The following TTLL11 variants were observed in gnomAD, a reference collection of about 807,000 sequenced individuals.
TTLL11 encodes the protein tubulin polyglutamylase TTLL11.
TTLL11 carries 42 observed loss-of-function variants against 51.7 expected under a neutral mutation model. The observed-to-expected ratio is 0.81, with a 90% CI of 0.64 to 1.05. TTLL11 has a LOEUF of 1.05. Among genes scored for constraint, TTLL11 ranks in the 50% least tolerant of loss-of-function variants. TTLL11 has a pLI of 0.00. For missense variants in TTLL11, 799 were observed against 940.4 expected (o/e 0.85, Z 1.97); for synonymous variants, 381 against 383.5 (o/e 0.99, Z 0.08).
At chr9:121,913,985 G>A (rs13290537) in intron 6 of TTLL11, among the ~76,000 whole-genome samples, 33,349 of 152,084 alleles carry the variant, frequency 0.22, 4,437 homozygotes, top group African/African-American at 0.36. Flanking sequence ...AACTCTTACA[G>A]TAATTCTGAA....
chr9:121,968,847 T>C (rs1476593454), intron 6 of TTLL11, among the ~76,000 whole-genome samples: 1 of 151,808 alleles, frequency 6.6e-6, no homozygotes, highest in African/African-American at 2.4e-5. Flanking sequence ...TACCATACAT[T>C]AAAAGTTTTT....
chr9:121,895,388 TTGTGTGTTTGTGTGAC>T (rs1259713642), intron 6 of TTLL11, among the ~76,000 whole-genome samples: 44 of 151,524 alleles, frequency 2.9e-4, no homozygotes, highest in Non-Finnish European at 6.0e-4. Context: ...GGTTGTATGA[TTGTGTGTTTGTGTGAC>T]TGTGTGTGCA....
At position 122,092,948 on chromosome 9, in the gene TTLL11, CG is replaced by C; in HGVS notation, c.200del (p.Pro67ArgfsTer77). 1.3e-6 allele frequency: 2 copies of C among 1,577,982 alleles called. No individual in the cohort carries two copies. The highest frequency in any genetic ancestry group is 1.7e-5 in the Admixed American group (1 of 57,350). On this transcript the variant is annotated frameshift_variant, in exon 1 of 9. Coordinates refer to ENST00000321582, the MANE Select transcript of TTLL11 (RefSeq NM_001139442.2). LOFTEE classifies it high-confidence loss of function. ...CCTCCTCAGCCGCACTGGGCTGCGC[CG>C]GGGCCGGGGCCAGGACCTTGGGCTG... Reference protein sequence around the residue: ...EEQPKVLAPAPAQPSAAEEGN... With the variant: ...EEQPKVLAPAXAQPSAAEEGN...
At chr9:121,950,844 C>T (rs999173784) in intron 6 of TTLL11, among the ~76,000 whole-genome samples, 1 of 152,196 alleles carries the variant, frequency 6.6e-6, no homozygotes, top group African/African-American at 2.4e-5. Flanking sequence ...AATCATGACT[C>T]TGTCCATGAC....
At chr9:121,971,025 G>C (rs146240806) in intron 6 of TTLL11, among the ~76,000 whole-genome samples, 14,406 of 142,910 alleles carry the variant, frequency 0.1, 1,584 homozygotes, top group African/African-American at 0.26. Context: ...AGGTGGGGGG[G>C]TCAGCCCCCC....
chr9:122,092,744 C>T lies in TTLL11; in HGVS notation c.405G>A (p.Lys135=), dbSNP rs942810472. ...TCAGGGCATCCAGGGAGGTCCTGGC[C>T]TTGGAGCTGTCCACGGTGACCGGCC... ...SQRPVTVDSS[K]ARTSLDALKI... is the part of the protein sequence containing the mutation. Residue 135 remains lysine (K), a synonymous_variant, in exon 1 of 9, where the codon AAG becomes AAA. Coordinates refer to ENST00000321582, the MANE Select transcript of TTLL11 (RefSeq NM_001139442.2). 5.2e-6 allele frequency: 8 copies of T among 1,538,302 alleles called. No individual in the cohort carries two copies. Among genetic ancestry groups the T allele is most frequent in the Middle Eastern group, 2.1e-4 (1 of 4,806 alleles).
At chr9:122,045,613 G>A (rs1419577091) in intron 1 of TTLL11, among the ~76,000 whole-genome samples, 1 of 152,076 alleles carries the variant, frequency 6.6e-6, no homozygotes, top group East Asian at 1.9e-4. Context: ...ACATTCATAG[G>A]AGCATATTCA....
intron 6 of TTLL11, among the ~76,000 whole-genome samples, chr9:121,967,360 G>A (rs1364297093): frequency 3.3e-5 from 5 of 151,742 alleles, no homozygotes; most frequent in Non-Finnish European, 5.9e-5. Context: ...GAGTAGCTGG[G>A]ATTACAGGTG....
At position 121,967,994 on chromosome 9, in the gene TTLL11, G is replaced by A. The variant is rs1035661224; in HGVS notation, c.1481+6015C>T. Among the ~76,000 whole-genome samples, 9 of 152,316 alleles carry A rather than the reference G, an allele frequency of 5.9e-5. No individual in the cohort carries two copies. The South Asian group carries it at 1.5e-3, about 25-fold the overall frequency. The stretch of plus-strand genomic sequence containing the variant: ...GTTGGTTGCCGGGAAGTGGGGGGAG[G>A]GGGAATGGAGAGTGATTGCTTGATG... On this transcript the variant is annotated intron_variant, in intron 6 of 8. Coordinates refer to ENST00000321582, the MANE Select transcript of TTLL11 (RefSeq NM_001139442.2).
rs531350488 is a variant in TTLL11, at chr9:121,932,546, C to T, written c.1481+41463G>A. On this transcript the variant is annotated intron_variant, in intron 6 of 8. Transcript: ENST00000321582. The stretch of plus-strand genomic sequence containing the variant: ...AAAGAGACTCATCCACAATCATTAG[C>T]AGCCAGTGGAAGCGCCATTCCCCAC... Among the ~76,000 whole-genome samples the T allele has an allele frequency of 1.2e-4, 19 of 152,310 alleles. No homozygotes were observed. The South Asian group carries it at 3.5e-3, about 28-fold the overall frequency.
chr9:121,962,372 G>A (rs1460581257), intron 6 of TTLL11, among the ~76,000 whole-genome samples: 1 of 152,088 alleles, frequency 6.6e-6, no homozygotes, highest in Non-Finnish European at 1.5e-5. Flanking sequence ...CCCACCACTT[G>A]TGCCTCCCCA....
chr9:122,074,717 CA>C (rs1216725396), intron 1 of TTLL11, among the ~76,000 whole-genome samples: 1 of 134,968 alleles, frequency 7.4e-6, no homozygotes, highest in African/African-American at 2.9e-5. Flanking sequence ...CTGGGCAATA[CA>C]ATAAGACTTT....
chr9:122,082,715 G>A (rs952475883), intron 1 of TTLL11, among the ~76,000 whole-genome samples: 7 of 152,018 alleles, frequency 4.6e-5, no homozygotes, highest in East Asian at 1.9e-4. Context: ...CACTATCTAC[G>A]TGGTATAACT....
chr9:121,906,698 A>G (rs1184460404), intron 6 of TTLL11, among the ~76,000 whole-genome samples: 1 of 152,142 alleles, frequency 6.6e-6, no homozygotes, highest in Non-Finnish European at 1.5e-5. Flanking sequence ...AGGAGGTTCA[A>G]TGCCAGCCCA....
chr9:121,855,289 C>A (rs1281409905), intron 8 of TTLL11, among the ~76,000 whole-genome samples: 1 of 152,162 alleles, frequency 6.6e-6, no homozygotes, highest in Non-Finnish European at 1.5e-5. Context: ...ATTCTATGCA[C>A]CTGAGGTCTA....
intron 6 of TTLL11, among the ~76,000 whole-genome samples, chr9:121,936,310 C>T (rs982813994): frequency 6.6e-6 from 1 of 151,496 alleles, no homozygotes; most frequent in Non-Finnish European, 1.5e-5. Context: ...GTTTCCCAGG[C>T]CAGAGTGCAG....
At chr9:121,934,779 G>C (rs912159301) in intron 6 of TTLL11, among the ~76,000 whole-genome samples, 1 of 152,098 alleles carries the variant, frequency 6.6e-6, no homozygotes, top group African/African-American at 2.4e-5. Flanking sequence ...TTATCATCCA[G>C]AATATTAAAA....
At chr9:121,968,523 G>A (rs564916115) in intron 6 of TTLL11, among the ~76,000 whole-genome samples, 32 of 152,258 alleles carry the variant, frequency 2.1e-4, no homozygotes, top group African/African-American at 6.5e-4. Context: ...ACTAAGCATT[G>A]TTTTTTCTTT....
At chr9:122,030,468 C>T (rs1450034160) in intron 3 of TTLL11, among the ~76,000 whole-genome samples, 1 of 152,002 alleles carries the variant, frequency 6.6e-6, no homozygotes, top group African/African-American at 2.4e-5. Flanking sequence ...AATACAGAGG[C>T]AATAAAATAG....
Sources: allele counts gnomAD v4.1 joint callset (sites outside exome capture counted in the v4.1 genomes callset), GRCh38; gene constraint gnomAD v4.1.1; transcripts MANE v1.5; gene names NCBI Gene and HGNC (gene_info 2026-07-23, HGNC 2026-07-21).